PER3: variants seen among roughly 807,000 people sequenced by gnomAD.
PER3 encodes period circadian protein homolog 3.
Under a neutral mutation model 127.2 loss-of-function variants are expected in PER3, and 107 were observed. That is an observed-to-expected ratio of 0.84 (90% CI 0.72 to 0.99). The LOEUF (loss-of-function observed/expected upper bound fraction) is 0.99. PER3 is among the 50% of genes least tolerant of loss of function. The probability of loss-of-function intolerance (pLI) is 0.00; values close to 1 mark genes in which losing one functional copy is unlikely to be tolerated. For missense variants in PER3, 1,560 were observed against 1,525.8 expected, an observed-to-expected ratio of 1.02 and a Z score of -0.37; for synonymous variants, 618 against 585.8, an observed-to-expected ratio of 1.05 and a Z score of -0.79.
At chr1:7,814,322 A>T (rs548698427) in intron 13 of PER3, among the ~76,000 whole-genome samples, 1 of 152,356 alleles carries the variant, frequency 6.6e-6, no homozygotes, top group African/African-American at 2.4e-5. Flanking sequence ...AAACTGATGG[A>T]AAAAAGAAAA....
chr1:7,784,630 G>A (rs2150391531), intron 1 of PER3, 24 bp from the exon 2 acceptor site: 2 of 387,264 alleles, frequency 5.2e-6, no homozygotes, highest in South Asian at 6.1e-5. Context: ...TTTGTCCCTT[G>A]TCACCCTTGT....
In PER3 at chr1:7,809,893, C is replaced by G. The variant is rs150812083; in HGVS notation, c.1243C>G (p.Pro415Ala). Reference protein sequence around the residue: ...QEQIYKLLLQPVHVSVSSGYG... With the variant: ...QEQIYKLLLQAVHVSVSSGYG... ...GACTTGTTCCTCTTTGTCCTTCCAG[C>G]CAGTTCACGTGAGCGTGTCCAGCGG... The change falls in exon 12 of 22, where the codon CCA becomes GCA. Residue 415 changes from proline to alanine, a missense_variant and splice_region_variant. Around this residue, in one of 3 missense-constraint regions of PER3, gnomAD observed 1,332 missense variants for 1,223.6 expected, o/e 1.09. Transcript: ENST00000377532. 4.9e-3 allele frequency: 7,948 copies of G among 1,613,532 alleles called. 47 individuals carry two copies. The highest frequency in any genetic ancestry group is 4.8e-3 in the Non-Finnish European group (5,669 of 1,179,644).
intron 13 of PER3, among the ~76,000 whole-genome samples, chr1:7,817,159 AG>A (rs1330563117): frequency 6.6e-6 from 1 of 152,240 alleles, no homozygotes; most frequent in Non-Finnish European, 1.5e-5. Flanking sequence ...TGGGTAGAGA[AG>A]GAGGTGACTA....
At chr1:7,816,655 GTTT>G (rs1024730964) in intron 13 of PER3, among the ~76,000 whole-genome samples, 1 of 152,152 alleles carries the variant, frequency 6.6e-6, no homozygotes, top group Non-Finnish European at 1.5e-5. Context: ...GAATGGCTAA[GTTT>G]TTTTAAAAAA....
In PER3 at chr1:7,827,744, C is replaced by G. The variant is rs144610753; in HGVS notation, c.2815C>G (p.Gln939Glu). ...SSSPLQLNLL[Q>E]EEMPRPSESP... The stretch of plus-strand genomic sequence containing the variant: ...CTCACCCTTGCAGTTAAACTTACTT[C>G]AGGAAGAGATGCCCAGACCCTCTGA... The change falls in exon 18 of 22, where the codon CAG (glutamine) becomes GAG (glutamate). Residue 939 changes from glutamine (Q) to glutamate (E), a missense_variant. Around this residue, in one of 3 missense-constraint regions of PER3, gnomAD observed 1,332 missense variants for 1,223.6 expected, o/e 1.09. Transcript: ENST00000377532. 1 of 1,614,058 alleles carries G rather than the reference C, an allele frequency of 6.2e-7. No individual in the cohort carries two copies.
chr1:7,812,094 C>G (rs2097221417), intron 13 of PER3, among the ~76,000 whole-genome samples: 1 of 152,124 alleles, frequency 6.6e-6, no homozygotes, highest in African/African-American at 2.4e-5. Flanking sequence ...ATGTTTTTCT[C>G]ATTGTCTGGT....
At chr1:7,836,945 A>G (rs752815837) in intron 20 of PER3, 54 bp from the exon 21 acceptor site, 4 of 1,460,924 alleles carry the variant, frequency 2.7e-6, no homozygotes, top group Non-Finnish European at 3.8e-6. Context: ...GATGACGGGA[A>G]AAGAACCCTG....
chr1:7,823,369 G>A (rs542075655), intron 16 of PER3, among the ~76,000 whole-genome samples: 1 of 152,316 alleles, frequency 6.6e-6, no homozygotes, highest in South Asian at 2.1e-4. Flanking sequence ...GCAGCCGGGC[G>A]TGGTGGTTCA....
intron 13 of PER3, among the ~76,000 whole-genome samples, chr1:7,815,719 C>T (rs1320898784): frequency 6.6e-6 from 1 of 152,008 alleles, no homozygotes; most frequent in African/African-American, 2.4e-5. Flanking sequence ...GGCGCAGTGG[C>T]TCACGCCTGT....
Position 7,837,120 on chromosome 1 carries a change from C to T in PER3, c.3520C>T (p.Gln1174Ter), listed in dbSNP as rs748839772. ...TAAGGTGTATAATTGGATTCAAAGCCAGACTGTCACTCAAGAAATCGACAT... is the reference window on the plus strand; with the variant it reads ...TAAGGTGTATAATTGGATTCAAAGCTAGACTGTCACTCAAGAAATCGACAT... The part of the protein sequence containing the change: ...LAKVYNWIQS[Q>*]TVTQEIDIQA... The change falls in exon 21 of 22, where the codon CAG (glutamine) becomes TAG (stop). Residue 1174 changes from glutamine (Q) to a stop codon, truncating the protein, a stop_gained. Transcript: ENST00000377532. LOFTEE classifies it low-confidence loss of function (END_TRUNC). 2 of 1,613,634 alleles carry T rather than the reference C, an allele frequency of 1.2e-6. No homozygotes were observed. The highest frequency in any genetic ancestry group is 2.2e-5 in the East Asian group (1 of 44,864).
intron 19 of PER3, among the ~76,000 whole-genome samples, chr1:7,833,623 CTTTATA>C (rs2097343549): frequency 2.0e-5 from 3 of 152,000 alleles, no homozygotes; most frequent in African/African-American, 7.2e-5. Flanking sequence ...TTATCTGTGT[CTTTATA>C]TTTAAAGTAA....
rs1047957158 is a variant in PER3, at chr1:7,845,116, A to G, written c.*2361A>G. On this transcript the variant is annotated 3_prime_UTR_variant, in exon 22 of 22. Transcript: ENST00000377532. Reference sequence around the variant, plus strand: ...GAATTTGTTTTTAATCATTAGTAATATTTCAGTTGGGTATCTTTTTAAGTA... The same window carrying G: ...GAATTTGTTTTTAATCATTAGTAATGTTTCAGTTGGGTATCTTTTTAAGTA... 1 of 152,380 alleles carries G rather than the reference A, an allele frequency of 6.6e-6. No homozygotes were observed. Among genetic ancestry groups the G allele is most frequent in the Admixed American group, 6.5e-5 (1 of 15,278 alleles). The allele number at this position is 152,380 out of a possible 1,614,324, so 9.4% of individuals were successfully genotyped here. A position where few individuals can be genotyped will look rare whatever the true frequency, so the allele number is the denominator to read the frequency against.
chr1:7,815,412 G>A (rs923272343), intron 13 of PER3, among the ~76,000 whole-genome samples: 8 of 152,136 alleles, frequency 5.3e-5, no homozygotes, highest in Admixed American at 2.0e-4. Flanking sequence ...AGAAGAAAGC[G>A]GGAAGCTGTA....
rs2097084324 is a variant in PER3, at chr1:7,785,603, G to C, written c.274+17G>C. Reference sequence around the variant, plus strand: ...GCGTTCAAGGTAAACAAGCCGGAGAGAAATTTCATCCTACGAATGCACCAG... The same window carrying C: ...GCGTTCAAGGTAAACAAGCCGGAGACAAATTTCATCCTACGAATGCACCAG... On this transcript the variant is annotated intron_variant, in intron 3 of 21. Transcript: ENST00000377532. 1 of 1,606,064 alleles carries C rather than the reference G, an allele frequency of 6.2e-7. No individual in the cohort carries two copies. The highest frequency in any genetic ancestry group is 1.7e-5 in the Admixed American group (1 of 59,176).
At position 7,786,760 on chromosome 1, in the gene PER3, C is replaced by T. The variant is rs769172859; in HGVS notation, c.314C>T (p.Ala105Val). The T allele has an allele frequency of 3.1e-6, 5 of 1,611,476 alleles. No homozygotes were observed. In the East Asian group the frequency reaches 1.1e-4, roughly 36 times the overall value. Residue 105 changes from alanine (A) to valine (V), a missense_variant, in exon 4 of 22, where the codon GCA becomes GTA. Physicochemically the swap from Ala to Val is moderately conservative, Grantham distance 64. Coordinates refer to ENST00000377532, the MANE Select transcript of PER3 (RefSeq NM_001377275.1). Reference protein sequence around the residue: ...EFFQILSQNGAPQADVSMYSL... With the variant: ...EFFQILSQNGVPQADVSMYSL... Reference sequence around the variant, plus strand: ...TTCCAGATTCTCAGTCAGAATGGAGCACCTCAGGCAGATGTGAGCATGTAC... The same window carrying T: ...TTCCAGATTCTCAGTCAGAATGGAGTACCTCAGGCAGATGTGAGCATGTAC...
At chr1:7,785,335 C>A in intron 2 of PER3, 106 bp from the exon 3 acceptor site, 1 of 845,350 alleles carries the variant, frequency 1.2e-6, no homozygotes, top group Non-Finnish European at 1.9e-6. Context: ...TGGACTGATG[C>A]CGGTAGAGCA....
intron 10 of PER3, among the ~76,000 whole-genome samples, chr1:7,808,526 C>T (rs1254994069): frequency 6.6e-6 from 1 of 152,138 alleles, no homozygotes; most frequent in African/African-American, 2.4e-5. Flanking sequence ...AACTTGGGGT[C>T]TTTAAAATTC....
rs759601919 is a variant in PER3 at position 7,820,560 on chromosome 1, C to T, written c.1877C>T (p.Thr626Met). 1.3e-5 allele frequency: 21 copies of T among 1,613,982 alleles called. No individual in the cohort carries two copies. The highest frequency in any genetic ancestry group is 7.7e-5 in the South Asian group (7 of 91,074). ...TGGGAPQILSTAMLSLGSGIS... is the reference protein window; with the variant it reads ...TGGGAPQILSMAMLSLGSGIS... ...GGAGGAGCTCCACAGATCCTGTCCA[C>T]GGCGATGCTGAGCTTGGGGTCGGGC... The change falls in exon 16 of 22, where the codon ACG becomes ATG. Residue 626 changes from threonine (T) to methionine (M), a missense_variant. Coordinates refer to ENST00000377532, the MANE Select transcript of PER3 (RefSeq NM_001377275.1).
intron 14 of PER3, among the ~76,000 whole-genome samples, chr1:7,819,762 T>C (rs2097267138): frequency 6.6e-6 from 1 of 151,388 alleles, no homozygotes; most frequent in Non-Finnish European, 1.5e-5. Flanking sequence ...ATGTAAACTT[T>C]CTTAAAACGT....
Sources: allele counts gnomAD v4.1 joint callset (sites outside exome capture counted in the v4.1 genomes callset), GRCh38; gene constraint gnomAD v4.1.1; regional missense constraint gnomAD v4.1.1; transcripts MANE v1.5; gene names NCBI Gene and HGNC (gene_info 2026-07-23, HGNC 2026-07-21).